The following ZBTB20 variants were observed in gnomAD, a reference collection of about 807,000 sequenced individuals.
ZBTB20 encodes zinc finger and BTB domain containing 20.
ZBTB20 carries 9 observed loss-of-function variants against 56.9 expected under a neutral mutation model. That is an observed-to-expected ratio of 0.16 (90% CI 0.10 to 0.28). The LOEUF (loss-of-function observed/expected upper bound fraction) is 0.28. Among genes scored for constraint, ZBTB20 ranks in the 10% least tolerant of loss-of-function variants. ZBTB20 has a pLI of 1.00. For synonymous variants in ZBTB20, 417 were observed against 420.7 expected (o/e 0.99, Z 0.11); for missense variants, 655 against 1,003.0 (o/e 0.65, Z 4.69).
intron 5 of ZBTB20, among the ~76,000 whole-genome samples, chr3:114,735,079 A>T (rs2108562317): frequency 6.6e-6 from 1 of 151,238 alleles, no homozygotes; most frequent in Non-Finnish European, 1.5e-5. Context: ...TATCTGCTAT[A>T]TTCCCCATAC....
intron 6 of ZBTB20, among the ~76,000 whole-genome samples, chr3:114,688,664 T>C (rs1279546911): frequency 2.0e-5 from 3 of 152,172 alleles, no homozygotes; most frequent in Non-Finnish European, 4.4e-5. Flanking sequence ...AAGACATGAT[T>C]AACCGATCAA....
At chr3:114,676,723 T>TGCATTATG (rs1328198838) in intron 6 of ZBTB20, among the ~76,000 whole-genome samples, 1 of 151,518 alleles carries the variant, frequency 6.6e-6, no homozygotes, top group Non-Finnish European at 1.5e-5. Context: ...ACTGGACAAG[T>TGCATTATG]GCATTATGGC....
At chr3:114,777,679 C>T (rs529440482) in intron 5 of ZBTB20, among the ~76,000 whole-genome samples, 127 of 152,250 alleles carry the variant, frequency 8.3e-4, no homozygotes, top group Non-Finnish European at 1.3e-3. Context: ...TTGTGGAAGT[C>T]GGTGTGGCGA....
chr3:114,922,234 G>A (rs920658259), intron 3 of ZBTB20, among the ~76,000 whole-genome samples: 2 of 152,068 alleles, frequency 1.3e-5, no homozygotes, highest in Non-Finnish European at 2.9e-5. Flanking sequence ...ATACTCAGTG[G>A]TGAAAAGCTG....
chr3:114,680,621 C>T (rs2061915408), intron 6 of ZBTB20, among the ~76,000 whole-genome samples: 1 of 152,212 alleles, frequency 6.6e-6, no homozygotes, highest in Non-Finnish European at 1.5e-5. Context: ...GCATGTTTCA[C>T]TTAGTAATCT....
At chr3:114,478,936 C>T (rs74558090) in intron 7 of ZBTB20, among the ~76,000 whole-genome samples, 1,668 of 152,234 alleles carry the variant, frequency 0.011, 28 homozygotes, top group African/African-American at 0.038. Flanking sequence ...ATTCCTCTGC[C>T]TCAGACAGTA....
intron 5 of ZBTB20, among the ~76,000 whole-genome samples, chr3:114,708,093 G>A (rs929342290): frequency 1.3e-5 from 2 of 152,132 alleles, no homozygotes; most frequent in African/African-American, 4.8e-5. Flanking sequence ...TGTTATCCAG[G>A]ATAAGCAGAA....
chr3:115,096,873 A>G (rs1158825896), intron 1 of ZBTB20, among the ~76,000 whole-genome samples: 2 of 152,242 alleles, frequency 1.3e-5, no homozygotes, highest in Non-Finnish European at 2.9e-5. Context: ...CACAAGGACT[A>G]ATCATTAAAA....
chr3:114,878,472 T>TAA (rs1271306693), intron 4 of ZBTB20, among the ~76,000 whole-genome samples: 1 of 151,462 alleles, frequency 6.6e-6, no homozygotes, highest in Non-Finnish European at 1.5e-5. Context: ...AGGGAAATGG[T>TAA]AAAATAGATG....
At chr3:114,662,927 G>A (rs1052018325) in intron 6 of ZBTB20, among the ~76,000 whole-genome samples, 3 of 151,822 alleles carry the variant, frequency 2.0e-5, no homozygotes, top group South Asian at 2.1e-4. Context: ...GTACCTGAAA[G>A]TGATGTGGAG....
chr3:114,718,263 C>T (rs926626678), intron 5 of ZBTB20, among the ~76,000 whole-genome samples: 3 of 152,084 alleles, frequency 2.0e-5, no homozygotes, highest in Admixed American at 1.3e-4. Context: ...GAAGTAAATA[C>T]GAAAACCATT....
At chr3:114,744,320 T>C (rs1048178546) in intron 5 of ZBTB20, among the ~76,000 whole-genome samples, 2 of 152,164 alleles carry the variant, frequency 1.3e-5, no homozygotes, top group African/African-American at 4.8e-5. Context: ...TTTCGATTAT[T>C]GCAATGGTGG....
chr3:115,105,067 G>T (rs1388096384), intron 1 of ZBTB20, among the ~76,000 whole-genome samples: 1 of 152,108 alleles, frequency 6.6e-6, no homozygotes, highest in Non-Finnish European at 1.5e-5. Context: ...ATTGGTTCTG[G>T]TCCCAGCATT....
intron 4 of ZBTB20, among the ~76,000 whole-genome samples, chr3:114,815,562 T>C (rs1409527991): frequency 6.6e-6 from 1 of 152,246 alleles, no homozygotes; most frequent in Admixed American, 6.5e-5. Flanking sequence ...CAAGTATTTC[T>C]ATAGCAATTG....
At chr3:114,461,302 C>G (rs7613515) in intron 7 of ZBTB20, among the ~76,000 whole-genome samples, 80 of 150,840 alleles carry the variant, frequency 5.3e-4, no homozygotes, top group Non-Finnish European at 8.4e-4. Context: ...CTCCTCCCCC[C>G]CCCCTCTTTT....
chr3:114,351,480 C>A lies in ZBTB20; in HGVS notation c.598G>T (p.Val200Leu), dbSNP rs772938678. The stretch of plus-strand genomic sequence containing the variant: ...CCCGAGTCCTGGATCCCCGGGAACA[C>A]ATCGCCCACGTTCTGTGACACGATG... ...TRIVSQNVGD[V>L]FPGIQDSGQD... Residue 200 changes from valine (V) to leucine (L), a missense_variant, in exon 11 of 12, where the codon GTG (valine) becomes TTG (leucine). Transcript: ENST00000675478. The A allele has an allele frequency of 6.2e-7, 1 of 1,613,944 alleles. No individual in the cohort carries two copies.
chr3:114,523,151 G>A lies in ZBTB20; in HGVS notation c.-294-22760C>T, dbSNP rs767529040. Among the ~76,000 whole-genome samples, 53 of 152,256 alleles carry A rather than the reference G, an allele frequency of 3.5e-4. 1 individual carries two copies. In the Middle Eastern group the frequency reaches 0.02, roughly 59 times the overall value. On this transcript the variant is annotated intron_variant, in intron 6 of 11. Coordinates refer to ENST00000675478, the MANE Select transcript of ZBTB20 (RefSeq NM_001348800.3). ...ATCAGGAGAGTGTGGTGGACTGAAC[G>A]CCAAGCGAAGAAAGTGTTTTAATGG...
chr3:114,404,273 C>A (rs1358611051), intron 7 of ZBTB20, among the ~76,000 whole-genome samples: 1 of 152,142 alleles, frequency 6.6e-6, no homozygotes, highest in Middle Eastern at 3.2e-3. Flanking sequence ...CCTCATCCTT[C>A]CCACAAGGCC....
chr3:114,934,366 C>A (rs2076460624), intron 3 of ZBTB20, among the ~76,000 whole-genome samples: 1 of 152,204 alleles, frequency 6.6e-6, no homozygotes, highest in Non-Finnish European at 1.5e-5. Flanking sequence ...CAGCACTTTG[C>A]TCTTTTCTGA....
Sources: allele counts gnomAD v4.1 joint callset (sites outside exome capture counted in the v4.1 genomes callset), GRCh38; gene constraint gnomAD v4.1.1; transcripts MANE v1.5; gene names NCBI Gene and HGNC (gene_info 2026-07-23, HGNC 2026-07-21).